VCAN: variants seen among roughly 807,000 people sequenced by gnomAD.
VCAN encodes the protein versican.
VCAN carries 44 observed loss-of-function variants against 245.5 expected under a neutral mutation model. The observed-to-expected ratio is 0.18, with a 90% CI of 0.14 to 0.23. The LOEUF is 0.23. VCAN is among the 10% of genes least tolerant of loss of function. VCAN has a pLI of 1.00. For missense variants in VCAN, 3,793 were observed against 4,057.9 expected, an observed-to-expected ratio of 0.93 and a Z score of 1.77; for synonymous variants, 1,413 against 1,437.0, an observed-to-expected ratio of 0.98 and a Z score of 0.38.
chr5:83,538,205 G>A lies in VCAN; in HGVS notation c.5202G>A (p.Thr1734=), dbSNP rs138599596. Reference sequence around the variant, plus strand: ...AGGAGGAGGAGGGAACTACAGGTACGGCTTCTACATTTGAGGTATATTCAT... The same window carrying A: ...AGGAGGAGGAGGGAACTACAGGTACAGCTTCTACATTTGAGGTATATTCAT... ...KRKEEEGTTG[T]ASTFEVYSST... is the part of the protein sequence containing the mutation. The change falls in exon 8 of 15, where the codon ACG becomes ACA. Residue 1734 remains threonine (T), a synonymous_variant. Transcript: ENST00000265077. 219 of 1,613,364 alleles carry A rather than the reference G, an allele frequency of 1.4e-4. 3 individuals are homozygous for A. The highest frequency in any genetic ancestry group is 1.3e-3 in the South Asian group (114 of 91,054).
chr5:83,575,785 A>C (rs1025686432), intron 13 of VCAN, among the ~76,000 whole-genome samples: 2 of 152,214 alleles, frequency 1.3e-5, no homozygotes, highest in Non-Finnish European at 2.9e-5. Context: ...ATACCAAAAA[A>C]GATTCACAAA....
chr5:83,575,613 C>T (rs891897243), intron 13 of VCAN, among the ~76,000 whole-genome samples: 2 of 152,148 alleles, frequency 1.3e-5, no homozygotes, highest in East Asian at 1.9e-4. Flanking sequence ...GAGAGGCTAT[C>T]CTGTGCATTA....
At chr5:83,565,769 C>T (rs1317963841) in intron 12 of VCAN, among the ~76,000 whole-genome samples, 2 of 151,992 alleles carry the variant, frequency 1.3e-5, no homozygotes, top group Non-Finnish European at 2.9e-5. Context: ...GATGAATTTG[C>T]TTCTGTATGT....
In VCAN at chr5:83,553,474, G is replaced by T; in HGVS notation, c.9604G>T (p.Ala3202Ser). Residue 3202 changes from alanine (A) to serine (S), a missense_variant, in exon 11 of 15, where the codon GCC (alanine) becomes TCC (serine). Around this residue, in one of 5 missense-constraint regions of VCAN, gnomAD observed 205 missense variants for 321.1 expected, o/e 0.64. Transcript: ENST00000265077. ...AAERECRLQG[A>S]HLTSILSHEE... ...TGAACGGGAATGCCGTCTGCAGGGT[G>T]CCCATCTCACAAGCATCCTGTCTCA... 6.2e-7 allele frequency: 1 copy of T among 1,614,102 alleles called. No individual in the cohort carries two copies. The highest frequency in any genetic ancestry group is 8.5e-7 in the Non-Finnish European group (1 of 1,179,976).
intron 1 of VCAN, among the ~76,000 whole-genome samples, chr5:83,475,241 A>T (rs1224382648): frequency 6.6e-6 from 1 of 152,164 alleles, no homozygotes; most frequent in Non-Finnish European, 1.5e-5. Context: ...CTATTTAGGG[A>T]GTGACTGAGC....
chr5:83,497,280 T>G (rs1317229837), intron 5 of VCAN, among the ~76,000 whole-genome samples: 1 of 152,208 alleles, frequency 6.6e-6, no homozygotes, highest in South Asian at 2.1e-4. Context: ...ACCTGTTTTT[T>G]TCTCCTTTCT....
At chr5:83,508,257 T>C (rs1053549411) in intron 5 of VCAN, among the ~76,000 whole-genome samples, 19 of 152,210 alleles carry the variant, frequency 1.2e-4, no homozygotes, top group African/African-American at 4.3e-4. Context: ...GGTTGACACA[T>C]ACCAGAAACT....
At chr5:83,482,125 A>T (rs1267777407) in intron 1 of VCAN, among the ~76,000 whole-genome samples, 1 of 152,242 alleles carries the variant, frequency 6.6e-6, no homozygotes, top group Non-Finnish European at 1.5e-5. Flanking sequence ...CTCTAGGTCT[A>T]ATCCTTAAGG....
intron 5 of VCAN, among the ~76,000 whole-genome samples, chr5:83,508,480 G>C (rs981305686): frequency 1.3e-5 from 2 of 152,158 alleles, no homozygotes; most frequent in Non-Finnish European, 2.9e-5. Context: ...AGTTATAAGA[G>C]ATTAAAGACA....
In VCAN at chr5:83,542,215, T is replaced by G. The variant is rs1747033751; in HGVS notation, c.9212T>G (p.Phe3071Cys). 2 of 1,613,964 alleles carry G rather than the reference T, an allele frequency of 1.2e-6. No homozygotes were observed. Among genetic ancestry groups the G allele is most frequent in the African/African-American group, 2.7e-5 (2 of 74,924 alleles). ...CTGGAGACTTCTAATGAAACAGATT[T>G]CCTGATTGGCATTAATGAAGAGTCA... ...SLLETSNETDFLIGINEESVE... is the reference protein window; with the variant it reads ...SLLETSNETDCLIGINEESVE... Residue 3071 changes from phenylalanine to cysteine, a missense_variant, in exon 8 of 15, where the codon TTC becomes TGC. Physicochemically the swap from Phe to Cys is radical, Grantham distance 205 (BLOSUM62 -2). This residue lies in a region of VCAN where 3,182 missense variants were observed against 3,250.3 expected (regional missense o/e 0.98). Coordinates refer to ENST00000265077, the MANE Select transcript of VCAN (RefSeq NM_004385.5).
intron 12 of VCAN, among the ~76,000 whole-genome samples, chr5:83,560,461 A>G (rs376231193): frequency 3.3e-5 from 5 of 152,242 alleles, no homozygotes; most frequent in South Asian, 2.1e-4. Flanking sequence ...ATTTGGTTGC[A>G]TAAGGTGGGA....
intron 6 of VCAN, 149 bp from the exon 7 acceptor site, chr5:83,519,200 A>G (rs577886077): frequency 1.9e-5 from 13 of 695,940 alleles, no homozygotes; most frequent in Middle Eastern, 7.9e-4. Context: ...TAATTCAAGT[A>G]TAGTTTTAAG....
intron 12 of VCAN, among the ~76,000 whole-genome samples, chr5:83,568,406 C>T (rs1018082591): frequency 6.6e-6 from 1 of 152,156 alleles, no homozygotes; most frequent in Non-Finnish European, 1.5e-5. Context: ...AACTACAGCT[C>T]TGCCAAGCAA....
intron 12 of VCAN, among the ~76,000 whole-genome samples, chr5:83,557,622 C>T (rs1747722784): frequency 6.6e-6 from 1 of 152,096 alleles, no homozygotes; most frequent in East Asian, 1.9e-4. Context: ...CACAAATACT[C>T]TGAAAAACAT....
In VCAN at chr5:83,539,701, C is replaced by A; in HGVS notation, c.6698C>A (p.Thr2233Lys). The change falls in exon 8 of 15, where the codon ACA becomes AAA. Residue 2233 changes from threonine (T) to lysine (K), a missense_variant. Thr to Lys is a moderately conservative substitution (Grantham distance 78, BLOSUM62 -1). Around this residue, in one of 5 missense-constraint regions of VCAN, gnomAD observed 3,182 missense variants for 3,250.3 expected, o/e 0.98. Transcript: ENST00000265077. ...TCACCAATCAAAAAGGAAGAAAGTA[C>A]AAAACATTTTCCGAAAGGCATGAGA... Reference protein sequence around the residue: ...TDSPIKKEESTKHFPKGMRPT... With the variant: ...TDSPIKKEESKKHFPKGMRPT... The A allele has an allele frequency of 6.2e-7, 1 of 1,613,668 alleles. No individual in the cohort carries two copies. The highest frequency in any genetic ancestry group is 8.5e-7 in the Non-Finnish European group (1 of 1,179,972).
Position 83,494,038 on chromosome 5 carries a change from G to A in VCAN, c.748+107G>A, listed in dbSNP as rs1368731680. On this transcript the variant is annotated intron_variant, in intron 5 of 14. Transcript: ENST00000265077. ...CTTCGTGCTTGTTTGGATTCCAAAC[G>A]GTGGCATTTTGTTTATACGACTGTA... 13 of 1,564,604 alleles carry A rather than the reference G, an allele frequency of 8.3e-6. No homozygotes were observed. The East Asian group carries it at 1.1e-4, about 14-fold the overall frequency.
chr5:83,526,985 G>A (rs1418855241), intron 7 of VCAN, among the ~76,000 whole-genome samples: 4 of 152,184 alleles, frequency 2.6e-5, no homozygotes, highest in Non-Finnish European at 2.9e-5. Flanking sequence ...TTGGCATTGG[G>A]TCTAGCAGCC....
intron 6 of VCAN, among the ~76,000 whole-genome samples, chr5:83,518,333 A>G (rs1170557169): frequency 6.6e-6 from 1 of 152,188 alleles, no homozygotes; most frequent in African/African-American, 2.4e-5. Context: ...TTTATACACA[A>G]TTTAAATTTC....
intron 6 of VCAN, 72 bp from the exon 7 acceptor site, chr5:83,519,277 C>G (rs752394536): frequency 3.9e-6 from 6 of 1,535,428 alleles, no homozygotes; most frequent in Non-Finnish European, 5.4e-6. Flanking sequence ...CTCAGGAGCA[C>G]TTAACAAACA....
Sources: gnomAD v4.1 joint callset for allele counts (sites outside exome capture counted in the v4.1 genomes callset) on GRCh38, gnomAD v4.1.1 for gene constraint, gnomAD v4.1.1 regional missense constraint, MANE v1.5 for transcripts, NCBI Gene and HGNC (gene_info 2026-07-23, HGNC 2026-07-21) for gene names.